Variants in CARMIL2 observed in about 807,000 individuals in gnomAD.
CARMIL2 encodes the protein capping protein regulator and myosin 1 linker 2, also known as capping protein, Arp2/3 and myosin-I linker protein 2.
In CARMIL2, 96 loss-of-function variants were observed where a neutral mutation model predicts 173.3. The observed-to-expected ratio is 0.55, with a 90% CI of 0.47 to 0.66. The LOEUF (loss-of-function observed/expected upper bound fraction) is 0.66, where lower values mean the gene tolerates loss of function less well. CARMIL2 is among the 30% of genes least tolerant of loss of function. CARMIL2 has a pLI of 0.00. For synonymous variants in CARMIL2, 830 were observed against 817.1 expected (o/e 1.02, Z -0.27); for missense variants, 1,771 against 1,906.7 (o/e 0.93, Z 1.33).
In CARMIL2 at chr16:67,650,142, T is replaced by G. The variant is rs201190819; in HGVS notation, c.2176T>G (p.Ser726Ala). 141 of 1,610,698 alleles carry G rather than the reference T, an allele frequency of 8.8e-5. 1 individual carries two copies. The highest frequency in any genetic ancestry group is 3.3e-4 in the Middle Eastern group (2 of 6,060). Residue 726 changes from serine to alanine, a missense_variant, in exon 22 of 38, where the codon TCA (serine) becomes GCA (alanine). This residue lies in a region of CARMIL2 where 944 missense variants were observed against 975.6 expected (regional missense o/e 0.97). Transcript: ENST00000334583. ...LQPLGLVSDPSEQEVNELCQS... is the reference protein window; with the variant it reads ...LQPLGLVSDPAEQEVNELCQS... ...GCCACTTGGTCTGGTCTCAGACCCC[T>G]CAGAGCAGGTCAATGTCCCCTCCCC...
Position 67,654,307 on chromosome 16 carries a change from C to G in CARMIL2, c.3222-25C>G, listed in dbSNP as rs1389514400. 4 of 1,581,822 alleles carry G rather than the reference C, an allele frequency of 2.5e-6. No individual in the cohort carries two copies. In the Admixed American group the frequency reaches 5.4e-5, roughly 21 times the overall value. On this transcript the variant is annotated intron_variant, in intron 30 of 37. Transcript: ENST00000334583. ...GGGTGGGATGCCTGATGGGCTTTCT[C>G]GCTCACTGCTGGGTGTCCCCACAGC...
At chr16:67,654,098 G>GTTT in intron 29 of CARMIL2, 51 bp from the exon 30 acceptor site, 1 of 805,972 alleles carries the variant, frequency 1.2e-6, no homozygotes, top group Non-Finnish European at 1.9e-6. Context: ...GGGGGGGGTA[G>GTTT]AAGCCAGAGT....
In CARMIL2 at chr16:67,657,080, A is replaced by G; in HGVS notation, c.4118-159A>G. The G allele has an allele frequency of 2.6e-6, 2 of 783,024 alleles. No homozygotes were observed. Among genetic ancestry groups the G allele is most frequent in the South Asian group, 3.5e-5 (2 of 56,738 alleles). 48.5% of individuals were successfully genotyped at this position (783,024 alleles called of 1,614,324 possible). A position where few individuals can be genotyped will look rare whatever the true frequency, so the allele number is the denominator to read the frequency against. ...GCACTGGCTCCACTTCCCGAAGAGC[A>G]GCCTCTGCCAGGGGTGAGGACGCAG... On this transcript the variant is annotated intron_variant, in intron 36 of 37. Coordinates refer to ENST00000334583, the MANE Select transcript of CARMIL2 (RefSeq NM_001013838.3). The surrounding 1 kb of genome is among the most constrained non-coding windows in gnomAD (Gnocchi z 4.5).
Position 67,656,831 on chromosome 16 carries a change from C to T in CARMIL2, c.4067C>T (p.Ala1356Val), listed in dbSNP as rs1174305578. Residue 1356 changes from alanine to valine, a missense_variant, in exon 36 of 38, where the codon GCA (alanine) becomes GTA (valine). This residue lies in a region of CARMIL2 where 817 missense variants were observed against 903.5 expected (regional missense o/e 0.90). Coordinates refer to ENST00000334583, the MANE Select transcript of CARMIL2 (RefSeq NM_001013838.3). ...DGQLRPRPLS[A>V]GRRAVSVHED... The stretch of plus-strand genomic sequence containing the variant: ...CAGCTGAGGCCGAGGCCTCTCTCGG[C>T]AGGGCGGCGAGCAGTGTCTGTGCAT... The T allele has an allele frequency of 6.4e-7, 1 of 1,550,742 alleles. No individual in the cohort carries two copies. Among genetic ancestry groups the T allele is most frequent in the South Asian group, 1.2e-5 (1 of 84,072 alleles).
rs768744207 is a variant in CARMIL2 at position 67,646,829 on chromosome 16, C to T, written c.537+45C>T. The T allele has an allele frequency of 6.2e-7, 1 of 1,611,954 alleles. No homozygotes were observed. The highest frequency in any genetic ancestry group is 8.5e-7 in the Non-Finnish European group (1 of 1,178,144). ...GAAGGGCTCTGGAGACATCTGGTCC[C>T]CCATGTGTGCTGAGCCCCTCCCTGC... is the stretch of plus-strand genomic sequence containing the variant. On this transcript the variant is annotated intron_variant, in intron 7 of 37. Transcript: ENST00000334583. This position sits in a 1 kb window ranked among gnomAD's most constrained non-coding sequence, Gnocchi z 4.6.
chr16:67,650,238 TC>T, intron 22 of CARMIL2, 88 bp downstream of exon 22: 1 of 1,142,372 alleles, frequency 8.8e-7, no homozygotes, highest in Non-Finnish European at 1.3e-6. Context: ...GGTCTGACTT[TC>T]CTGGGGCCAG....
chr16:67,649,291 C>T lies in CARMIL2; in HGVS notation c.1726C>T (p.Leu576Phe). The T allele has an allele frequency of 6.2e-7, 1 of 1,612,994 alleles. No individual in the cohort carries two copies. Among genetic ancestry groups the T allele is most frequent in the South Asian group, 1.1e-5 (1 of 91,070 alleles). The change falls in exon 19 of 38, where the codon CTC becomes TTC. Residue 576 changes from leucine (L) to phenylalanine (F), a missense_variant. Transcript: ENST00000334583. The surrounding 1 kb of genome is among the most constrained non-coding windows in gnomAD (Gnocchi z 6.7). Reference protein sequence around the residue: ...LDDVLHRIVQLMQDDDCPLQS... With the variant: ...LDDVLHRIVQFMQDDDCPLQS... Reference sequence around the variant, plus strand: ...CGACGTCCTGCACCGGATTGTCCAGCTCATGCAGGACGACGATTGTGTGAG... The same window carrying T: ...CGACGTCCTGCACCGGATTGTCCAGTTCATGCAGGACGACGATTGTGTGAG...
intron 22 of CARMIL2, 45 bp downstream of exon 22, chr16:67,650,195 C>T (rs1382041547): frequency 6.6e-6 from 10 of 1,509,028 alleles, no homozygotes; most frequent in Non-Finnish European, 7.2e-6. Flanking sequence ...CATGAGGAGA[C>T]CTGTGGCATC....
chr16:67,654,745 G>T (rs768641218), intron 31 of CARMIL2, 33 bp from the exon 32 acceptor site: 1 of 1,611,924 alleles, frequency 6.2e-7, no homozygotes, highest in South Asian at 1.1e-5. Flanking sequence ...CCAGGGCGCG[G>T]ACTGTCTCCA....
At chr16:67,654,083 G>T (rs868816803) in intron 29 of CARMIL2, 66 bp from the exon 30 acceptor site, 52 of 529,126 alleles carry the variant, frequency 9.8e-5, no homozygotes, top group Non-Finnish European at 1.0e-4. Flanking sequence ...TGCCGGCCGG[G>T]GGGGGGGGGG....
Position 67,649,471 on chromosome 16 carries a change from G to A in CARMIL2, c.1771G>A (p.Glu591Lys). The change falls in exon 20 of 38, where the codon GAG (glutamate) becomes AAG (lysine). Residue 591 changes from glutamate to lysine, a missense_variant. Physicochemically the swap from Glu to Lys is moderately conservative, Grantham distance 56 (BLOSUM62 1). Coordinates refer to ENST00000334583, the MANE Select transcript of CARMIL2 (RefSeq NM_001013838.3). This position sits in a 1 kb window ranked among gnomAD's most constrained non-coding sequence, Gnocchi z 6.7. Reference protein sequence around the residue: ...DCPLQSLSVAESRLKLGASVL... With the variant: ...DCPLQSLSVAKSRLKLGASVL... The stretch of plus-strand genomic sequence containing the variant: ...GCCTCTTCAGTCTCTGTCGGTGGCT[G>A]AGTCTCGGCTGAAGCTGGGTGCCAG... 2.5e-6 allele frequency: 4 copies of A among 1,611,546 alleles called. No homozygotes were observed. Among genetic ancestry groups the A allele is most frequent in the Non-Finnish European group, 3.4e-6 (4 of 1,179,880 alleles).
rs767834150 is a variant in CARMIL2 at position 67,646,852 on chromosome 16, T to C, written c.538-48T>C. 27 of 1,612,540 alleles carry C rather than the reference T, an allele frequency of 1.7e-5. No homozygotes were observed. Among genetic ancestry groups the C allele is most frequent in the South Asian group, 5.5e-5 (5 of 91,046 alleles). On this transcript the variant is annotated intron_variant, in intron 7 of 37. Coordinates refer to ENST00000334583, the MANE Select transcript of CARMIL2 (RefSeq NM_001013838.3). The surrounding 1 kb of genome is among the most constrained non-coding windows in gnomAD (Gnocchi z 4.6). ...CCCCCATGTGTGCTGAGCCCCTCCCTGCCCCTTGTGGCCCCAGGCGAACTG... is the reference window on the plus strand; with the variant it reads ...CCCCCATGTGTGCTGAGCCCCTCCCCGCCCCTTGTGGCCCCAGGCGAACTG...
chr16:67,649,613 G>T lies in CARMIL2; in HGVS notation c.1913G>T (p.Arg638Met). 6.3e-7 allele frequency: 1 copy of T among 1,593,732 alleles called. No individual in the cohort carries two copies. The highest frequency in any genetic ancestry group is 8.5e-7 in the Non-Finnish European group (1 of 1,175,742). ...GCCAAGGCGCTGCGGGTCAACTCGA[G>T]GCTCCGGTGGGCGGGGTCAGAGGGG... The part of the protein sequence containing the change: ...LLAKALRVNS[R>M]LRSVVWDRNH... Residue 638 changes from arginine to methionine, a missense_variant, in exon 20 of 38, where the codon AGG becomes ATG. Arg to Met is a moderately conservative substitution (Grantham distance 91, BLOSUM62 -1). Coordinates refer to ENST00000334583, the MANE Select transcript of CARMIL2 (RefSeq NM_001013838.3). This position sits in a 1 kb window ranked among gnomAD's most constrained non-coding sequence, Gnocchi z 6.7.
Position 67,654,834 on chromosome 16 carries a change from A to C in CARMIL2, c.3639A>C (p.Val1213=). The change falls in exon 32 of 38, where the codon GTA becomes GTC. Residue 1213 remains valine, a synonymous_variant. Coordinates refer to ENST00000334583, the MANE Select transcript of CARMIL2 (RefSeq NM_001013838.3). ...TGGCTCCATCCTTTGAACAGCGGGT[A>C]CAAGTAATGCTGCAGAGGATAGGCG... ...TELAPSFEQR[V]QVMLQRIGVS... is the part of the protein sequence containing the mutation. 6.2e-7 allele frequency: 1 copy of C among 1,613,688 alleles called. No individual in the cohort carries two copies.
In CARMIL2 at chr16:67,649,290, G is replaced by A; in HGVS notation, c.1725G>A (p.Gln575=). The A allele has an allele frequency of 6.2e-7, 1 of 1,612,928 alleles. No homozygotes were observed. Among genetic ancestry groups the A allele is most frequent in the Non-Finnish European group, 8.5e-7 (1 of 1,179,722 alleles). ...ACGACGTCCTGCACCGGATTGTCCAGCTCATGCAGGACGACGATTGTGTGA... is the reference window on the plus strand; with the variant it reads ...ACGACGTCCTGCACCGGATTGTCCAACTCATGCAGGACGACGATTGTGTGA... The part of the protein sequence containing the change: ...TLDDVLHRIV[Q]LMQDDDCPLQ... The change falls in exon 19 of 38, where the codon CAG becomes CAA. Residue 575 remains glutamine (Q), a synonymous_variant. Coordinates refer to ENST00000334583, the MANE Select transcript of CARMIL2 (RefSeq NM_001013838.3). This position sits in a 1 kb window ranked among gnomAD's most constrained non-coding sequence, Gnocchi z 6.7.
chr16:67,656,907 CT>C, intron 36 of CARMIL2, 26 bp downstream of exon 36: 1 of 1,509,064 alleles, frequency 6.6e-7, no homozygotes, highest in Non-Finnish European at 9.0e-7. Context: ...TCCACGTGTG[CT>C]TGAATGCAGG....
In CARMIL2 at chr16:67,645,230, C is replaced by T; in HGVS notation, c.-17C>T. The T allele has an allele frequency of 6.3e-7, 1 of 1,576,742 alleles. No individual in the cohort carries two copies. The highest frequency in any genetic ancestry group is 8.6e-7 in the Non-Finnish European group (1 of 1,161,708). Reference sequence around the variant, plus strand: ...TTCCCGCCGGAGCTCGTTGGGCCTCCCCGGCCCGCCCGGCCCATGGCCCAG... The same window carrying T: ...TTCCCGCCGGAGCTCGTTGGGCCTCTCCGGCCCGCCCGGCCCATGGCCCAG... On this transcript the variant is annotated 5_prime_UTR_variant, in exon 1 of 38. Coordinates refer to ENST00000334583, the MANE Select transcript of CARMIL2 (RefSeq NM_001013838.3).
In CARMIL2 at chr16:67,646,587, G is replaced by T; in HGVS notation, c.466+70G>T. The T allele has an allele frequency of 6.3e-7, 1 of 1,585,198 alleles. No homozygotes were observed. The highest frequency in any genetic ancestry group is 8.6e-7 in the Non-Finnish European group (1 of 1,157,598). ...TCTGCCTCCCCAGACCCGCAAGCTG[G>T]GGGGGCCCCAAACTGAACAGAGCCA... On this transcript the variant is annotated intron_variant, in intron 6 of 37. Transcript: ENST00000334583. The surrounding 1 kb of genome is among the most constrained non-coding windows in gnomAD (Gnocchi z 4.6).
intron 29 of CARMIL2, 48 bp from the exon 30 acceptor site, chr16:67,654,101 G>GCCAGAGTT: frequency 1.2e-6 from 1 of 844,808 alleles, no homozygotes; most frequent in Admixed American, 2.7e-5. Context: ...GGGGGTAGAA[G>GCCAGAGTT]CCAGAGTTGC....
Sources: gnomAD v4.1 joint callset for allele counts on GRCh38, gnomAD v4.1.1 for gene constraint, gnomAD v4.1.1 regional missense constraint, Gnocchi (gnomAD v3.1) non-coding constraint, MANE v1.5 for transcripts, NCBI Gene and HGNC (gene_info 2026-07-23, HGNC 2026-07-21) for gene names.